The following TBCCD1 variants were observed in gnomAD, a reference collection of about 807,000 sequenced individuals.
The protein encoded by TBCCD1 is TBCC domain containing 1, also known as TBCC domain-containing protein 1.
A neutral mutation model predicts 53.4 loss-of-function variants in TBCCD1; 26 were observed. The observed-to-expected ratio is 0.49, with a 90% CI of 0.36 to 0.68. The LOEUF (loss-of-function observed/expected upper bound fraction) is 0.68. Among genes scored for constraint, TBCCD1 ranks in the 30% least tolerant of loss-of-function variants. The pLI is 0.00. For missense variants in TBCCD1, 558 were observed against 669.5 expected (o/e 0.83, Z 1.84); for synonymous variants, 245 against 241.7 (o/e 1.01, Z -0.13).
At chr3:186,565,112 T>C (rs11919791) in intron 1 of TBCCD1, among the ~76,000 whole-genome samples, 2,567 of 143,596 alleles carry the variant, frequency 0.018, 68 homozygotes, top group African/African-American at 0.064. Flanking sequence ...TCTTCTTCTT[T>C]TTTTTTTTTT....
Position 186,556,613 on chromosome 3 carries a change from T to A in TBCCD1, c.655A>T (p.Thr219Ser). 1 of 1,614,176 alleles carries A rather than the reference T, an allele frequency of 6.2e-7. No homozygotes were observed. The part of the protein sequence containing the change: ...VVALSFLIEG[T>S]ISRARKIYPL... ...TAGATCTTCCTGGCTCTACTTATTG[T>A]ACCTTCAATAAGGAAGCTGAGCGCC... Residue 219 changes from threonine (T) to serine (S), a missense_variant, in exon 4 of 8, where the codon ACA becomes TCA. Thr to Ser is a moderately conservative substitution (Grantham distance 58, BLOSUM62 1). Transcript: ENST00000338733.
At chr3:186,569,912 G>A (rs1391106898), upstream of TBCCD1, among the ~76,000 whole-genome samples, 1 of 152,154 alleles carries the variant, frequency 6.6e-6, no homozygotes. Flanking sequence ...AAATCGGGGG[G>A]AAGATGGGGA....
intron 7 of TBCCD1, among the ~76,000 whole-genome samples, chr3:186,548,663 G>A (rs1714280300): frequency 6.6e-6 from 1 of 151,988 alleles, no homozygotes; most frequent in South Asian, 2.1e-4. Context: ...CATATAATTA[G>A]CATATAAATA....
At chr3:186,560,601 T>C (rs1475604933) in intron 2 of TBCCD1, among the ~76,000 whole-genome samples, 1 of 152,252 alleles carries the variant, frequency 6.6e-6, no homozygotes, top group Non-Finnish European at 1.5e-5. Flanking sequence ...TGGGCATGGC[T>C]GTGGCAAATT....
At chr3:186,560,874 G>A (rs752842347) in intron 2 of TBCCD1, among the ~76,000 whole-genome samples, 1 of 152,152 alleles carries the variant, frequency 6.6e-6, no homozygotes, top group Non-Finnish European at 1.5e-5. Context: ...AATACAAAAC[G>A]CAGAATAGTC....
intron 7 of TBCCD1, 47 bp from the exon 8 acceptor site, chr3:186,547,002 C>T (rs557199706): frequency 6.6e-6 from 1 of 151,954 alleles, no homozygotes; most frequent in Non-Finnish European, 1.5e-5. Flanking sequence ...TTTTCTATTG[C>T]TTCATGTAAA....
intron 1 of TBCCD1, among the ~76,000 whole-genome samples, chr3:186,566,916 T>C (rs1714849210): frequency 6.6e-6 from 1 of 152,210 alleles, no homozygotes; most frequent in Non-Finnish European, 1.5e-5. Flanking sequence ...ATCCCAGAGA[T>C]GAGCCCTCCA....
rs529906673 is a variant in TBCCD1 at position 186,564,980 on chromosome 3, T to G, written c.-43-608A>C. On this transcript the variant is annotated intron_variant, in intron 1 of 7. Coordinates refer to ENST00000338733, the MANE Select transcript of TBCCD1 (RefSeq NM_018138.5). ...CAGTTCAGGTGTGATTTTTTAGATT[T>G]TTTTTTGTTGTAACAATGATACATG... is the stretch of plus-strand genomic sequence containing the variant. Among the ~76,000 whole-genome samples, 8 of 152,342 alleles carry G rather than the reference T, an allele frequency of 5.3e-5. No homozygotes were observed. The East Asian group carries it at 1.5e-3, about 29-fold the overall frequency.
chr3:186,551,312 A>G (rs2108454174), intron 6 of TBCCD1, 33 bp from the exon 7 acceptor site: 1 of 1,590,656 alleles, frequency 6.3e-7, no homozygotes, highest in Non-Finnish European at 8.6e-7. Context: ...AAAGAATATA[A>G]GAACATGAAT....
chr3:186,570,128 G>A, upstream of TBCCD1: 1 of 701,932 alleles, frequency 1.4e-6, no homozygotes, highest in Non-Finnish European at 2.6e-6. Context: ...GGTGGAAGCC[G>A]AATCCGAACT....
In TBCCD1 at chr3:186,554,318, G is replaced by A; in HGVS notation, c.1480C>T (p.Leu494=). The A allele has an allele frequency of 1.9e-6, 3 of 1,614,196 alleles. No homozygotes were observed. Among genetic ancestry groups the A allele is most frequent in the Non-Finnish European group, 2.5e-6 (3 of 1,180,038 alleles). ...TGTATCTTCTGTTCTCTTTGACCCA[G>A]TGCTTTCTGATATACAGATGGAAGA... The part of the protein sequence containing the change: ...GGLPSVYQKA[L]GQREQKIQIW... Residue 494 remains leucine (L), a synonymous_variant, in exon 6 of 8, where the codon CTG becomes TTG. Coordinates refer to ENST00000338733, the MANE Select transcript of TBCCD1 (RefSeq NM_018138.5).
Position 186,554,521 on chromosome 3 carries a change from A to G in TBCCD1, c.1277T>C (p.Leu426Pro), listed in dbSNP as rs893087915. The G allele has an allele frequency of 6.2e-7, 1 of 1,614,268 alleles. No homozygotes were observed. Among genetic ancestry groups the G allele is most frequent in the Admixed American group, 1.7e-5 (1 of 60,034 alleles). Residue 426 changes from leucine (L) to proline (P), a missense_variant, in exon 6 of 8, where the codon CTA (leucine) becomes CCA (proline). Coordinates refer to ENST00000338733, the MANE Select transcript of TBCCD1 (RefSeq NM_018138.5). ...FAPFHTHYPMLEDHMARTGLA... is the reference protein window; with the variant it reads ...FAPFHTHYPMPEDHMARTGLA... ...GCCAGTCCTGGCCATATGGTCCTCTAGCATTGGGTAATGTGTATGAAAAGG... is the reference window on the plus strand; with the variant it reads ...GCCAGTCCTGGCCATATGGTCCTCTGGCATTGGGTAATGTGTATGAAAAGG...
At chr3:186,559,275 A>AC (rs1714629582) in intron 2 of TBCCD1, among the ~76,000 whole-genome samples, 2 of 152,260 alleles carry the variant, frequency 1.3e-5, no homozygotes, top group African/African-American at 4.8e-5. Flanking sequence ...ACAGAGGTCT[A>AC]ACTTAAGACT....
chr3:186,555,467 C>T (rs749915615), intron 4 of TBCCD1, among the ~76,000 whole-genome samples: 2 of 152,160 alleles, frequency 1.3e-5, no homozygotes, highest in South Asian at 2.1e-4. Context: ...TCATCCCAAA[C>T]GTAATTCACC....
chr3:186,568,693 G>A (rs1033010837), upstream of TBCCD1, among the ~76,000 whole-genome samples: 2 of 152,090 alleles, frequency 1.3e-5, no homozygotes, highest in African/African-American at 4.8e-5. Flanking sequence ...TTGAGGTCAG[G>A]AGTTCGAGAC....
At chr3:186,554,852 CA>C (rs1250741789) in intron 5 of TBCCD1, 45 bp downstream of exon 5, 56 of 1,604,646 alleles carry the variant, frequency 3.5e-5, no homozygotes, top group Non-Finnish European at 4.4e-5. Context: ...AGTCACAGTC[CA>C]AAGAAAATGT....
chr3:186,565,760 C>T (rs1034644823), intron 1 of TBCCD1, among the ~76,000 whole-genome samples: 6 of 152,194 alleles, frequency 3.9e-5, no homozygotes, highest in South Asian at 2.1e-4. Flanking sequence ...TTCTGCATTA[C>T]GAATTATTTC....
intron 3 of TBCCD1, 89 bp from the exon 4 acceptor site, chr3:186,556,864 C>A: frequency 2.8e-6 from 4 of 1,430,848 alleles, no homozygotes; most frequent in Admixed American, 2.7e-5. Context: ...TATTTATACT[C>A]TGCCTCATCC....
chr3:186,558,358 G>A (rs1714598871), intron 3 of TBCCD1, 59 bp downstream of exon 3: 1 of 1,542,082 alleles, frequency 6.5e-7, no homozygotes, highest in South Asian at 1.2e-5. Context: ...TAATGCAAGT[G>A]AACCATCTCC....
Sources: gnomAD v4.1 joint callset for allele counts (sites outside exome capture counted in the v4.1 genomes callset) on GRCh38, gnomAD v4.1.1 for gene constraint, MANE v1.5 for transcripts, NCBI Gene and HGNC (gene_info 2026-07-23, HGNC 2026-07-21) for gene names.